RNF139: variants seen among roughly 807,000 people sequenced by gnomAD.
RNF139 encodes the protein E3 ubiquitin-protein ligase RNF139.
In RNF139, 15 loss-of-function variants were observed where a neutral mutation model predicts 49.5. That is an observed-to-expected ratio of 0.30 (90% CI 0.20 to 0.47). RNF139 has a LOEUF of 0.47. Ranked by LOEUF, RNF139 falls within the 20% of genes least tolerant of loss-of-function variation. The pLI, the probability that RNF139 is intolerant of heterozygous loss-of-function variation, is 1.00. For missense variants in RNF139, 619 were observed against 806.3 expected, an observed-to-expected ratio of 0.77 and a Z score of 2.81; for synonymous variants, 325 against 300.9, an observed-to-expected ratio of 1.08 and a Z score of -0.83.
At position 124,487,225 on chromosome 8, in the gene RNF139, G is replaced by A. The variant is rs752955889; in HGVS notation, c.1576G>A (p.Val526Met). ...GACATTTATGAATCGTAGGACTGCT[G>A]TGAAGAAAATTAATTCACTTCCTGA... ...WKTFMNRRTA[V>M]KKINSLPEIK... Residue 526 changes from valine (V) to methionine (M), a missense_variant, in exon 2 of 2, where the codon GTG (valine) becomes ATG (methionine). Physicochemically the swap from Val to Met is conservative, Grantham distance 21. Coordinates refer to ENST00000303545, the MANE Select transcript of RNF139 (RefSeq NM_007218.4). 2 of 1,613,906 alleles carry A rather than the reference G, an allele frequency of 1.2e-6. No individual in the cohort carries two copies. The highest frequency in any genetic ancestry group is 1.1e-5 in the South Asian group (1 of 91,070).
chr8:124,478,526 C>T (rs1044854419), intron 1 of RNF139, among the ~76,000 whole-genome samples: 1 of 146,836 alleles, frequency 6.8e-6, no homozygotes, highest in Non-Finnish European at 1.5e-5. Context: ...GAGAATCTCT[C>T]GAATCGGGGA....
rs768518283 is a variant in RNF139, at chr8:124,486,038, T to G, written c.389T>G (p.Leu130Arg). 1.2e-6 allele frequency: 2 copies of G among 1,614,062 alleles called. No homozygotes were observed. The highest frequency in any genetic ancestry group is 1.7e-6 in the Non-Finnish European group (2 of 1,180,004). Residue 130 changes from leucine to arginine, a missense_variant, in exon 2 of 2, where the codon CTT (leucine) becomes CGT (arginine). Around this residue, in one of 2 missense-constraint regions of RNF139, gnomAD observed 530 missense variants for 728.9 expected, o/e 0.73. Transcript: ENST00000303545. The stretch of plus-strand genomic sequence containing the variant: ...AAAGGTCCCTCGCTGTGGATGGCAC[T>G]TATCGTTCTACAGCTAACATTTGGA... ...PRKGPSLWMA[L>R]IVLQLTFGIG...
Position 124,486,177 on chromosome 8 carries a change from G to A in RNF139, c.528G>A (p.Glu176=). ...CAGAGCTACCATTACACATCAGAGA[G>A]ACTTTACTGTTTACTTCTTCCTTGA... ...LITELPLHIR[E]TLLFTSSLIL... is the part of the protein sequence containing the mutation. Residue 176 remains glutamate (E), a synonymous_variant, in exon 2 of 2, where the codon GAG becomes GAA. Transcript: ENST00000303545. The A allele has an allele frequency of 1.2e-6, 2 of 1,614,206 alleles. No individual in the cohort carries two copies. The highest frequency in any genetic ancestry group is 1.1e-5 in the South Asian group (1 of 91,072).
chr8:124,483,115 T>TATATATATTAAAATATGTATATTA (rs1816476511), intron 1 of RNF139, among the ~76,000 whole-genome samples: 1 of 100,540 alleles, frequency 9.9e-6, no homozygotes, highest in African/African-American at 3.8e-5. Context: ...ATATTAAAAA[T>TATATATATTAAAATATGTATATTA]ATATATATTT....
rs1816539524 is a variant in RNF139, at chr8:124,486,758, T to C, written c.1109T>C (p.Met370Thr). Residue 370 changes from methionine (M) to threonine (T), a missense_variant, in exon 2 of 2, where the codon ATG (methionine) becomes ACG (threonine). This residue lies in a region of RNF139 where 530 missense variants were observed against 728.9 expected (regional missense o/e 0.73). Coordinates refer to ENST00000303545, the MANE Select transcript of RNF139 (RefSeq NM_007218.4). ...LTAVLHFIHG[M>T]TDPVLMSLSA... is the part of the protein sequence containing the mutation. Reference sequence around the variant, plus strand: ...GCAGTCCTGCATTTTATCCATGGAATGACAGACCCTGTATTAATGTCTCTC... The same window carrying C: ...GCAGTCCTGCATTTTATCCATGGAACGACAGACCCTGTATTAATGTCTCTC... 6.2e-7 allele frequency: 1 copy of C among 1,614,036 alleles called. No homozygotes were observed. Among genetic ancestry groups the C allele is most frequent in the Non-Finnish European group, 8.5e-7 (1 of 1,179,954 alleles).
Position 124,475,134 on chromosome 8 carries a change from C to G in RNF139, c.25C>G (p.Gln9Glu). ...CATGGCGGCCGTGGGGCCCCCGCAGCAGCAGGTGCGGATGGCCCATCAGCA... is the reference window on the plus strand; with the variant it reads ...CATGGCGGCCGTGGGGCCCCCGCAGGAGCAGGTGCGGATGGCCCATCAGCA... MAAVGPPQ[Q>E]QVRMAHQQVW... is the part of the protein sequence containing the mutation. Residue 9 changes from glutamine (Q) to glutamate (E), a missense_variant, in exon 1 of 2, where the codon CAG (glutamine) becomes GAG (glutamate). Transcript: ENST00000303545. 1.2e-6 allele frequency: 2 copies of G among 1,602,138 alleles called. No homozygotes were observed.
chr8:124,485,121 T>C (rs1175533046), intron 1 of RNF139, among the ~76,000 whole-genome samples: 1 of 152,050 alleles, frequency 6.6e-6, no homozygotes, highest in South Asian at 2.1e-4. Context: ...TCCCAGCACT[T>C]TGGGAGGCAA....
At chr8:124,481,906 T>TG (rs1816418211) in intron 1 of RNF139, among the ~76,000 whole-genome samples, 6 of 152,150 alleles carry the variant, frequency 3.9e-5, no homozygotes, top group Non-Finnish European at 8.8e-5. Flanking sequence ...GACTTGTTAC[T>TG]TAGGATATTG....
At chr8:124,475,374 A>G (rs900518237) in intron 1 of RNF139, 84 bp downstream of exon 1, 13 of 1,386,650 alleles carry the variant, frequency 9.4e-6, no homozygotes, top group Middle Eastern at 1.8e-4. Flanking sequence ...CGCAGAGGCC[A>G]TGGGTCGAGT....
intron 1 of RNF139, among the ~76,000 whole-genome samples, chr8:124,477,242 T>C (rs1404592673): frequency 6.6e-6 from 1 of 152,240 alleles, no homozygotes; most frequent in Non-Finnish European, 1.5e-5. Context: ...ATCATCCGAC[T>C]CTTCTTACTG....
chr8:124,488,357 GAAGAT>G lies in RNF139; in HGVS notation c.*715_*719del, dbSNP rs1816588261. The stretch of plus-strand genomic sequence containing the variant: ...CATAAAATTGTCCTTTCATTCTTTT[GAAGAT>G]ATTACAAAACAAAAATAGTTTTTTT... On this transcript the variant is annotated 3_prime_UTR_variant, in exon 2 of 2. Transcript: ENST00000303545. 1 of 288,948 alleles carries G rather than the reference GAAGAT, an allele frequency of 3.5e-6. No individual in the cohort carries two copies. Among genetic ancestry groups the G allele is most frequent in the Non-Finnish European group, 6.5e-6 (1 of 154,724 alleles). The allele number at this position is 288,948 out of a possible 1,614,324, so 17.9% of individuals were successfully genotyped here.
chr8:124,487,636 A>G lies in RNF139; in HGVS notation c.1987A>G (p.Thr663Ala), dbSNP rs778854936. The change falls in exon 2 of 2, where the codon ACT (threonine) becomes GCT (alanine). Residue 663 changes from threonine to alanine, a missense_variant. By Grantham distance (58) the Thr-to-Ala change is moderately conservative. Around this residue, in one of 2 missense-constraint regions of RNF139, gnomAD observed 530 missense variants for 728.9 expected, o/e 0.73. Transcript: ENST00000303545. Reference sequence around the variant, plus strand: ...AGCAGCTGAAGAATTTAATGATGATACTGACTGATGAAAATAGCATTTATT... The same window carrying G: ...AGCAGCTGAAGAATTTAATGATGATGCTGACTGATGAAAATAGCATTTATT... ...GAAAEEFNDD[T>A]D 1 of 1,592,738 alleles carries G rather than the reference A, an allele frequency of 6.3e-7. No homozygotes were observed. The highest frequency in any genetic ancestry group is 1.8e-5 in the Admixed American group (1 of 55,770).
rs763357484 is a variant in RNF139 at position 124,486,777 on chromosome 8, GTCT to G, written c.1129_1131del (p.Ser377del). Reference sequence around the variant, plus strand: ...ATGGAATGACAGACCCTGTATTAATGTCTCTCAGTGCCTCTCATGTGTCATCTT... The same window carrying G: ...ATGGAATGACAGACCCTGTATTAATGCTCAGTGCCTCTCATGTGTCATCTT... On this transcript the variant is annotated inframe_deletion, in exon 2 of 2. Coordinates refer to ENST00000303545, the MANE Select transcript of RNF139 (RefSeq NM_007218.4). 2 of 1,613,882 alleles carry G rather than the reference GTCT, an allele frequency of 1.2e-6. No homozygotes were observed. The highest frequency in any genetic ancestry group is 3.3e-5 in the Admixed American group (2 of 60,004).
chr8:124,482,946 A>ATC, intron 1 of RNF139, among the ~76,000 whole-genome samples: 1 of 99,654 alleles, frequency 1.0e-5, no homozygotes, highest in Non-Finnish European at 2.0e-5. Context: ...AAAAAAAAAT[A>ATC]TATATATATA....
rs1179102400 is a variant in RNF139 at position 124,486,941 on chromosome 8, G to A, written c.1292G>A (p.Cys431Tyr). ...FAVTAFCVEL[C>Y]LKVIVSLTVY... ...GTTACAGCATTTTGTGTGGAACTGT[G>A]CTTAAAAGTAATTGTTTCTCTCACT... Residue 431 changes from cysteine (C) to tyrosine (Y), a missense_variant, in exon 2 of 2, where the codon TGC (cysteine) becomes TAC (tyrosine). Cys to Tyr is a radical substitution (Grantham distance 194). Coordinates refer to ENST00000303545, the MANE Select transcript of RNF139 (RefSeq NM_007218.4). 10 of 1,614,026 alleles carry A rather than the reference G, an allele frequency of 6.2e-6. No individual in the cohort carries two copies. Among genetic ancestry groups the A allele is most frequent in the Non-Finnish European group, 8.5e-6 (10 of 1,179,996 alleles).
In RNF139 at chr8:124,486,945, A is replaced by T; in HGVS notation, c.1296A>T (p.Leu432Phe). 1 of 1,614,098 alleles carries T rather than the reference A, an allele frequency of 6.2e-7. No homozygotes were observed. The highest frequency in any genetic ancestry group is 8.5e-7 in the Non-Finnish European group (1 of 1,180,002). ...AVTAFCVELCLKVIVSLTVYT... is the reference protein window; with the variant it reads ...AVTAFCVELCFKVIVSLTVYT... Reference sequence around the variant, plus strand: ...CAGCATTTTGTGTGGAACTGTGCTTAAAAGTAATTGTTTCTCTCACTGTTT... The same window carrying T: ...CAGCATTTTGTGTGGAACTGTGCTTTAAAGTAATTGTTTCTCTCACTGTTT... The change falls in exon 2 of 2, where the codon TTA becomes TTT. Residue 432 changes from leucine (L) to phenylalanine (F), a missense_variant. Physicochemically the swap from Leu to Phe is conservative, Grantham distance 22. Coordinates refer to ENST00000303545, the MANE Select transcript of RNF139 (RefSeq NM_007218.4).
intron 1 of RNF139, among the ~76,000 whole-genome samples, chr8:124,475,706 C>G (rs1437693427): frequency 6.6e-6 from 1 of 152,154 alleles, no homozygotes; most frequent in Non-Finnish European, 1.5e-5. Context: ...TACCAAATGC[C>G]GAGTACTTGT....
Position 124,486,630 on chromosome 8 carries a change from A to C in RNF139, c.981A>C (p.Ala327=). 6 of 1,614,024 alleles carry C rather than the reference A, an allele frequency of 3.7e-6. No individual in the cohort carries two copies. Among genetic ancestry groups the C allele is most frequent in the Non-Finnish European group, 4.2e-6 (5 of 1,179,990 alleles). ...EEDDRRLGFV[A]PVLFFILALQ... ...ATGACAGGCGTCTTGGCTTTGTTGCACCTGTTTTATTTTTTATTTTGGCTC... is the reference window on the plus strand; with the variant it reads ...ATGACAGGCGTCTTGGCTTTGTTGCCCCTGTTTTATTTTTTATTTTGGCTC... The change falls in exon 2 of 2, where the codon GCA becomes GCC. Residue 327 remains alanine, a synonymous_variant. Coordinates refer to ENST00000303545, the MANE Select transcript of RNF139 (RefSeq NM_007218.4).
intron 1 of RNF139, among the ~76,000 whole-genome samples, chr8:124,484,374 T>C (rs1816496182): frequency 6.6e-6 from 1 of 152,190 alleles, no homozygotes; most frequent in Admixed American, 6.6e-5. Context: ...TGATGGCTTG[T>C]AAATGGATTT....
Sources: allele counts gnomAD v4.1 joint callset (sites outside exome capture counted in the v4.1 genomes callset), GRCh38; gene constraint gnomAD v4.1.1; regional missense constraint gnomAD v4.1.1; transcripts MANE v1.5; gene names NCBI Gene and HGNC (gene_info 2026-07-23, HGNC 2026-07-21).